TNR: variants seen among roughly 807,000 people sequenced by gnomAD.
The protein encoded by TNR is tenascin R.
A neutral mutation model predicts 150.4 loss-of-function variants in TNR; 45 were observed. The ratio of observed to expected loss-of-function variants is 0.30; its 90% CI spans 0.24 to 0.38. The LOEUF is 0.38. Ranked by LOEUF, TNR falls within the 10% of genes least tolerant of loss-of-function variation. The pLI is 1.00. For synonymous variants in TNR, 687 were observed against 678.4 expected (o/e 1.01, Z -0.20); for missense variants, 1,544 against 1,759.1 (o/e 0.88, Z 2.19).
At chr1:175,649,331 C>A (rs972125297) in intron 1 of TNR, among the ~76,000 whole-genome samples, 1 of 152,190 alleles carries the variant, frequency 6.6e-6, no homozygotes, top group South Asian at 2.1e-4. Context: ...TTTCCTTCAC[C>A]CCCTATTTAA....
At chr1:175,689,920 G>A (rs1398732614) in intron 1 of TNR, among the ~76,000 whole-genome samples, 2 of 152,178 alleles carry the variant, frequency 1.3e-5, no homozygotes, top group Non-Finnish European at 2.9e-5. Flanking sequence ...AGAATTTGTT[G>A]TGAATCAATA....
At chr1:175,510,910 T>G (rs977313245) in intron 2 of TNR, among the ~76,000 whole-genome samples, 1 of 152,218 alleles carries the variant, frequency 6.6e-6, no homozygotes, top group Non-Finnish European at 1.5e-5. Flanking sequence ...GTTCAGAATT[T>G]ATATAGAAGT....
At chr1:175,468,674 C>T (rs1053966406) in intron 2 of TNR, among the ~76,000 whole-genome samples, 1 of 152,108 alleles carries the variant, frequency 6.6e-6, no homozygotes, top group Non-Finnish European at 1.5e-5. Flanking sequence ...ATGGAAGAGG[C>T]ATTCTAGGTA....
Position 175,456,580 on chromosome 1 carries a change from A to G in TNR, c.-63-49803T>C, listed in dbSNP as rs571601841. Among the ~76,000 whole-genome samples, 8 of 152,350 alleles carry G rather than the reference A, an allele frequency of 5.3e-5. No homozygotes were observed. In the South Asian group the frequency reaches 1.4e-3, roughly 28 times the overall value. ...TTAATGAAATATAGTCTCAAAATGA[A>G]CAGTTCAGGCAGTTCAGCCTAAGTG... On this transcript the variant is annotated intron_variant, in intron 2 of 22. Coordinates refer to ENST00000367674, the MANE Select transcript of TNR (RefSeq NM_003285.3).
At chr1:175,435,867 T>G (rs1487133061) in intron 2 of TNR, among the ~76,000 whole-genome samples, 2 of 152,242 alleles carry the variant, frequency 1.3e-5, no homozygotes, top group East Asian at 1.9e-4. Context: ...TGCTTGTCTG[T>G]AAAGGATTTT....
chr1:175,550,475 G>A (rs181777741), intron 1 of TNR, among the ~76,000 whole-genome samples: 8 of 152,208 alleles, frequency 5.3e-5, no homozygotes, highest in Admixed American at 5.2e-4. Context: ...CCCCTATACT[G>A]AGCCATGGAA....
At chr1:175,392,599 CATTTT>C (rs572170298) in intron 6 of TNR, among the ~76,000 whole-genome samples, 2 of 152,146 alleles carry the variant, frequency 1.3e-5, no homozygotes, top group African/African-American at 2.4e-5. Flanking sequence ...TCAATTGCCA[CATTTT>C]ATTTATCATT....
intron 1 of TNR, among the ~76,000 whole-genome samples, chr1:175,736,812 A>G (rs1173576309): frequency 6.6e-6 from 1 of 152,018 alleles, no homozygotes; most frequent in Non-Finnish European, 1.5e-5. Context: ...CCAGGAATTC[A>G]AGACCAGCCT....
At chr1:175,473,593 C>T (rs1657391638) in intron 2 of TNR, among the ~76,000 whole-genome samples, 1 of 152,142 alleles carries the variant, frequency 6.6e-6, no homozygotes, top group Non-Finnish European at 1.5e-5. Flanking sequence ...GAGAAGATGG[C>T]CAAGGCCCAA....
At chr1:175,378,826 G>C (rs190198337) in intron 9 of TNR, among the ~76,000 whole-genome samples, 1 of 152,368 alleles carries the variant, frequency 6.6e-6, no homozygotes, top group East Asian at 1.9e-4. Context: ...CCTAAGAGCA[G>C]TGGGAATTCC....
intron 2 of TNR, among the ~76,000 whole-genome samples, chr1:175,418,729 A>G (rs1654620917): frequency 6.6e-6 from 1 of 152,116 alleles, no homozygotes; most frequent in Admixed American, 6.5e-5. Context: ...AGAGAAAAAA[A>G]AAAAAAGGCA....
At chr1:175,414,906 T>G (rs1173171142) in intron 2 of TNR, among the ~76,000 whole-genome samples, 11 of 146,190 alleles carry the variant, frequency 7.5e-5, no homozygotes, top group Middle Eastern at 3.5e-3. Flanking sequence ...CAAAATGGGG[T>G]GGAAAATACC....
chr1:175,407,224 A>G (rs1654005910), intron 2 of TNR, among the ~76,000 whole-genome samples: 1 of 152,176 alleles, frequency 6.6e-6, no homozygotes. Context: ...AGCCACTTCA[A>G]AATAACTTCA....
chr1:175,400,804 C>G (rs1162098415), intron 4 of TNR, among the ~76,000 whole-genome samples: 1 of 152,132 alleles, frequency 6.6e-6, no homozygotes, highest in African/African-American at 2.4e-5. Context: ...GAACGTCAAA[C>G]AGTGGATAAA....
chr1:175,650,208 T>C (rs1664918403), intron 1 of TNR, among the ~76,000 whole-genome samples: 1 of 151,724 alleles, frequency 6.6e-6, no homozygotes. Context: ...ATGGTGAAAC[T>C]CCCATCTCTA....
chr1:175,674,378 G>A (rs1665799109), intron 1 of TNR, among the ~76,000 whole-genome samples: 4 of 152,124 alleles, frequency 2.6e-5, no homozygotes, highest in Admixed American at 2.6e-4. Context: ...CTGGACCCCT[G>A]GAAACCACAA....
chr1:175,573,165 AGT>A (rs1661954861), intron 1 of TNR, among the ~76,000 whole-genome samples: 1 of 152,218 alleles, frequency 6.6e-6, no homozygotes, highest in African/African-American at 2.4e-5. Context: ...CTTGTGTACA[AGT>A]GTGTGTGTAC....
chr1:175,519,347 T>G (rs149538139), intron 2 of TNR, among the ~76,000 whole-genome samples: 19 of 152,314 alleles, frequency 1.2e-4, no homozygotes, highest in African/African-American at 4.1e-4. Context: ...TCCATTAAAT[T>G]TTGAGCTCAT....
chr1:175,579,848 T>C (rs1395640042), intron 1 of TNR, among the ~76,000 whole-genome samples: 1 of 152,112 alleles, frequency 6.6e-6, no homozygotes, highest in Non-Finnish European at 1.5e-5. Context: ...AGGTCCTGCC[T>C]TTTATCCTTC....
Sources: allele counts gnomAD v4.1 joint callset (sites outside exome capture counted in the v4.1 genomes callset), GRCh38; gene constraint gnomAD v4.1.1; transcripts MANE v1.5; gene names NCBI Gene and HGNC (gene_info 2026-07-23, HGNC 2026-07-21).